The following DDX10 variants were observed in gnomAD, a reference collection of about 807,000 sequenced individuals.
The protein encoded by DDX10 is DEAD-box helicase 10.
A neutral mutation model predicts 104.3 loss-of-function variants in DDX10; 74 were observed. The observed-to-expected ratio is 0.71, with a 90% CI of 0.59 to 0.86. DDX10 has a LOEUF of 0.86. Ranked by LOEUF, DDX10 falls within the 40% of genes least tolerant of loss-of-function variation. The pLI is 0.00. For synonymous variants in DDX10, 351 were observed against 353.4 expected, an observed-to-expected ratio of 0.99 and a Z score of 0.08; for missense variants, 952 against 1,040.0, an observed-to-expected ratio of 0.92 and a Z score of 1.16.
intron 16 of DDX10, among the ~76,000 whole-genome samples, chr11:108,909,047 TAAG>T (rs907395796): frequency 2.0e-5 from 3 of 152,180 alleles, no homozygotes; most frequent in East Asian, 1.9e-4. Flanking sequence ...TGGTTTTACT[TAAG>T]AAGTCACCTT....
At chr11:108,864,985 C>G (rs978570840) in intron 16 of DDX10, among the ~76,000 whole-genome samples, 2 of 152,208 alleles carry the variant, frequency 1.3e-5, no homozygotes, top group African/African-American at 2.4e-5. Context: ...TCAACACCAT[C>G]TAAAACCAAT....
chr11:108,866,149 T>C (rs1202940352), intron 16 of DDX10, among the ~76,000 whole-genome samples: 3 of 152,094 alleles, frequency 2.0e-5, no homozygotes, highest in African/African-American at 4.8e-5. Flanking sequence ...ATTTTGGTAG[T>C]TGGACTCTGG....
intron 16 of DDX10, among the ~76,000 whole-genome samples, chr11:108,855,481 A>G (rs1042505232): frequency 2.0e-5 from 3 of 152,170 alleles, no homozygotes; most frequent in Admixed American, 6.5e-5. Flanking sequence ...ATTTTTTAAG[A>G]TGGAGTCTCG....
At chr11:108,912,565 T>TA in intron 16 of DDX10, among the ~76,000 whole-genome samples, 1 of 152,360 alleles carries the variant, frequency 6.6e-6, no homozygotes, top group South Asian at 2.1e-4. Context: ...TTCCCTTACT[T>TA]ACAGCAGTGA....
At chr11:108,918,456 A>G (rs1432325957) in intron 17 of DDX10, 3 of 164,796 alleles carry the variant, frequency 1.8e-5, no homozygotes, top group South Asian at 2.0e-4. Flanking sequence ...AAACGTGGAC[A>G]TTATTCTTCC....
intron 15 of DDX10, among the ~76,000 whole-genome samples, chr11:108,850,924 A>G (rs1041985356): frequency 1.3e-5 from 2 of 152,172 alleles, no homozygotes; most frequent in Admixed American, 1.3e-4. Flanking sequence ...TAATACCTTT[A>G]TAAGTTCTGT....
rs567861244 is a variant in DDX10 at position 108,764,671 on chromosome 11, A to AAAAAC, written c.1965+41219_1965+41223dup. Among the ~76,000 whole-genome samples the AAAAAC allele has an allele frequency of 7.2e-5, 11 of 152,310 alleles. No individual in the cohort carries two copies. The South Asian group carries it at 2.3e-3, about 32-fold the overall frequency. ...ACGAGAGCGAAACTCCATCTCAAGG[A>AAAAAC]AAAACAAAACAAAAATGAACAGAAT... On this transcript the variant is annotated intron_variant, in intron 13 of 17. Coordinates refer to ENST00000322536, the MANE Select transcript of DDX10 (RefSeq NM_004398.4).
intron 17 of DDX10, among the ~76,000 whole-genome samples, chr11:108,928,882 C>T (rs546525914): frequency 6.6e-6 from 1 of 152,158 alleles, no homozygotes; most frequent in East Asian, 1.9e-4. Context: ...GCTACTTTTC[C>T]TTGTTTTCCT....
rs1308153383 is a variant in DDX10, at chr11:108,841,307, A to T, written c.2086-8A>T. The stretch of plus-strand genomic sequence containing the variant: ...TCCTGTTGACACTGACCTTTTTTTT[A>T]CCTGTAGTTGGTTCAGCAGTGGCCA... On this transcript the variant is annotated splice_region_variant and splice_polypyrimidine_tract_variant and intron_variant, in intron 14 of 17. Transcript: ENST00000322536. The T allele has an allele frequency of 1.6e-5, 25 of 1,605,132 alleles. No individual in the cohort carries two copies. Among genetic ancestry groups the T allele is most frequent in the African/African-American group, 2.7e-5 (2 of 74,242 alleles).
rs549709498 is a variant in DDX10 at position 108,939,867 on chromosome 11, G to A, written c.2451-379G>A. Among the ~76,000 whole-genome samples the A allele has an allele frequency of 8.5e-5, 13 of 152,308 alleles. No homozygotes were observed. The East Asian group carries it at 2.5e-3, about 29-fold the overall frequency. ...CTGGTGTCCAGATAGCTGTTAGCTT[G>A]CACACTGCTACCTAAAGATAACCTG... On this transcript the variant is annotated intron_variant, in intron 17 of 17. Coordinates refer to ENST00000322536, the MANE Select transcript of DDX10 (RefSeq NM_004398.4).
chr11:108,779,918 T>C (rs920321185), intron 13 of DDX10, among the ~76,000 whole-genome samples: 3 of 152,178 alleles, frequency 2.0e-5, no homozygotes, highest in African/African-American at 7.2e-5. Flanking sequence ...ACAAAACCTT[T>C]GGAGTGAGAT....
chr11:108,890,381 G>A (rs556498862), intron 16 of DDX10, among the ~76,000 whole-genome samples: 6 of 152,214 alleles, frequency 3.9e-5, no homozygotes, highest in African/African-American at 1.2e-4. Flanking sequence ...ATAACAAATG[G>A]TGTCTGTGTA....
At chr11:108,679,941 G>C (rs2094232367) in intron 6 of DDX10, among the ~76,000 whole-genome samples, 1 of 152,194 alleles carries the variant, frequency 6.6e-6, no homozygotes, top group African/African-American at 2.4e-5. Context: ...GGGACATTGT[G>C]ATTGTTGAAA....
intron 13 of DDX10, among the ~76,000 whole-genome samples, chr11:108,831,985 A>G (rs1862479428): frequency 6.6e-6 from 1 of 152,170 alleles, no homozygotes; most frequent in Non-Finnish European, 1.5e-5. Flanking sequence ...GTGTTGTAGA[A>G]GAGGTGCAAA....
At chr11:108,796,929 G>C (rs1861949299) in intron 13 of DDX10, among the ~76,000 whole-genome samples, 1 of 152,192 alleles carries the variant, frequency 6.6e-6, no homozygotes, top group Non-Finnish European at 1.5e-5. Context: ...AATGCAGCAA[G>C]AAGGCCCTCA....
intron 15 of DDX10, among the ~76,000 whole-genome samples, chr11:108,843,064 C>G (rs1209076927): frequency 6.6e-6 from 1 of 152,186 alleles, no homozygotes; most frequent in Non-Finnish European, 1.5e-5. Context: ...TTGCTAGGCT[C>G]TGCCATAGGC....
intron 17 of DDX10, among the ~76,000 whole-genome samples, chr11:108,934,000 A>T (rs894897189): frequency 1.1e-4 from 16 of 152,260 alleles, no homozygotes; most frequent in Non-Finnish European, 1.9e-4. Flanking sequence ...CTAATCGAAG[A>T]TAAGCACATA....
At chr11:108,767,553 C>G (rs1208289440) in intron 13 of DDX10, 2 of 152,168 alleles carry the variant, frequency 1.3e-5, no homozygotes, top group Non-Finnish European at 2.9e-5. Context: ...GAGAGATGTG[C>G]TTTATGCCCT....
chr11:108,671,021 C>T (rs576157604), intron 1 of DDX10, among the ~76,000 whole-genome samples: 343 of 152,222 alleles, frequency 2.3e-3, no homozygotes, highest in Admixed American at 4.5e-3. Flanking sequence ...TTCCAACAGC[C>T]GTGGGAAGCC....
Sources: allele counts gnomAD v4.1 joint callset (sites outside exome capture counted in the v4.1 genomes callset), GRCh38; gene constraint gnomAD v4.1.1; transcripts MANE v1.5; gene names NCBI Gene and HGNC (gene_info 2026-07-23, HGNC 2026-07-21).